Variants in C12orf42 observed in about 807,000 individuals in gnomAD.
C12orf42 encodes chromosome 12 open reading frame 42, also known as uncharacterized protein C12orf42.
In C12orf42, 25 loss-of-function variants were observed where a neutral mutation model predicts 21.6. The observed-to-expected ratio is 1.16, with a 90% CI of 0.84 to 1.62. The LOEUF (loss-of-function observed/expected upper bound fraction) is 1.62, where lower values mean the gene tolerates loss of function less well. Ranked by LOEUF, C12orf42 falls within the 40% of genes most tolerant of loss-of-function variation. The probability of loss-of-function intolerance (pLI) is 0.00; values close to 1 mark genes in which losing one functional copy is unlikely to be tolerated. For missense variants in C12orf42, 483 were observed against 459.3 expected, an observed-to-expected ratio of 1.05 and a Z score of -0.47; for synonymous variants, 174 against 175.0, an observed-to-expected ratio of 0.99 and a Z score of 0.05.
At chr12:103,406,506 A>G (rs563792374) in intron 2 of C12orf42, among the ~76,000 whole-genome samples, 3 of 152,342 alleles carry the variant, frequency 2.0e-5, no homozygotes, top group East Asian at 1.9e-4. Flanking sequence ...ACTGTTTCTA[A>G]TGATCTATGT....
chr12:103,489,103 G>A lies in C12orf42; in HGVS notation c.-22+6799C>T, dbSNP rs571390507. 1.5e-4 allele frequency among the ~76,000 whole-genome samples: 23 copies of A among 152,316 alleles called. 1 individual carries two copies. Among genetic ancestry groups the A allele is most frequent in the African/African-American group, 5.5e-4 (23 of 41,568 alleles). On this transcript the variant is annotated intron_variant, in intron 1 of 5. Coordinates refer to ENST00000548883, the MANE Select transcript of C12orf42 (RefSeq NM_198521.5). ...GTGGTTTTAGCTACCTTTTGTCTTT[G>A]ATGTTGGTGTCCTACAGATGGGCTT...
At chr12:103,116,377 A>AT in the C12orf42 span, among the ~76,000 whole-genome samples, 18 of 130,404 alleles carry the variant, frequency 1.4e-4, no homozygotes, top group South Asian at 3.3e-3. Context: ...CAAGAAAAAA[A>AT]AAAAATATAT....
the C12orf42 span, among the ~76,000 whole-genome samples, chr12:103,506,861 TA>T: frequency 4.0e-5 from 3 of 75,020 alleles, no homozygotes; most frequent in Admixed American, 2.4e-4. Context: ...TTATATATTA[TA>T]TATATATATT....
chr12:103,117,950 GA>G, the C12orf42 span, among the ~76,000 whole-genome samples: 1 of 152,126 alleles, frequency 6.6e-6, no homozygotes, highest in South Asian at 2.1e-4. Flanking sequence ...TTACTGTAAG[GA>G]TTAAATGAGA....
chr12:103,071,180 C>T, the C12orf42 span, among the ~76,000 whole-genome samples: 2 of 152,192 alleles, frequency 1.3e-5, no homozygotes, highest in East Asian at 1.9e-4. Flanking sequence ...CATGGGGCTG[C>T]GTTTTAAAAA....
intron 2 of C12orf42, among the ~76,000 whole-genome samples, chr12:103,416,388 T>C (rs1351504620): frequency 6.6e-6 from 1 of 151,992 alleles, no homozygotes; most frequent in African/African-American, 2.4e-5. Context: ...GCTCAACATA[T>C]TGGAAAAATA....
the C12orf42 span, among the ~76,000 whole-genome samples, chr12:103,060,959 C>G: frequency 6.6e-6 from 1 of 152,134 alleles, no homozygotes; most frequent in Admixed American, 6.6e-5. Flanking sequence ...CAACAAAAGC[C>G]AAAATTGACA....
intron 4 of C12orf42, among the ~76,000 whole-genome samples, chr12:103,278,721 G>A (rs549929564): frequency 6.6e-6 from 1 of 152,314 alleles, no homozygotes; most frequent in South Asian, 2.1e-4. Context: ...ATTTCACTGG[G>A]GCTCTAAGTG....
the C12orf42 span, among the ~76,000 whole-genome samples, chr12:103,212,470 G>A: frequency 1.3e-5 from 2 of 152,064 alleles, no homozygotes; most frequent in Non-Finnish European, 2.9e-5. Context: ...TCTCTCTGGT[G>A]GTGTTGAATG....
chr12:103,128,652 A>T, the C12orf42 span, among the ~76,000 whole-genome samples: 1,166 of 152,286 alleles, frequency 7.7e-3, 20 homozygotes, highest in African/African-American at 0.027. Flanking sequence ...TGTAAAGTTT[A>T]GAGGTGATAA....
the C12orf42 span, among the ~76,000 whole-genome samples, chr12:103,209,837 G>T: frequency 6.6e-6 from 1 of 152,250 alleles, no homozygotes; most frequent in South Asian, 2.1e-4. Context: ...ACGGTGGAAA[G>T]GAGTGTTTTC....
the C12orf42 span, among the ~76,000 whole-genome samples, chr12:103,099,294 G>C: frequency 2.6e-5 from 4 of 152,282 alleles, no homozygotes; most frequent in Admixed American, 2.6e-4. Flanking sequence ...TTACCTAACT[G>C]AACAATTATT....
chr12:103,248,024 C>T (rs2034097424), intron 10 of C12orf42, among the ~76,000 whole-genome samples: 1 of 151,978 alleles, frequency 6.6e-6, no homozygotes, highest in Admixed American at 6.6e-5. Flanking sequence ...AGTCATGATG[C>T]AAGTAATTAG....
At chr12:103,156,451 C>A in the C12orf42 span, among the ~76,000 whole-genome samples, 3 of 152,000 alleles carry the variant, frequency 2.0e-5, no homozygotes, top group Admixed American at 6.6e-5. Context: ...ATTCACCAAG[C>A]TGTGTGTTTT....
intron 4 of C12orf42, among the ~76,000 whole-genome samples, chr12:103,308,761 G>GA (rs1424216431): frequency 6.6e-6 from 1 of 152,228 alleles, no homozygotes; most frequent in Non-Finnish European, 1.5e-5. Flanking sequence ...CTGTGCCTGT[G>GA]AATGTAACCT....
At chr12:103,504,129 CAT>C in the C12orf42 span, 1 of 152,526 alleles carries the variant, frequency 6.6e-6, no homozygotes, top group Admixed American at 6.5e-5. Flanking sequence ...ACTTCAGGCT[CAT>C]AGAGCCCAAC....
At chr12:103,203,944 A>T in the C12orf42 span, among the ~76,000 whole-genome samples, 1 of 152,332 alleles carries the variant, frequency 6.6e-6, no homozygotes, top group African/African-American at 2.4e-5. Flanking sequence ...TTATTGAAGG[A>T]AAAGCCCAGC....
At chr12:103,556,671 CA>C in the C12orf42 span, among the ~76,000 whole-genome samples, 1 of 152,146 alleles carries the variant, frequency 6.6e-6, no homozygotes, top group African/African-American at 2.4e-5. Flanking sequence ...ACAATCTTCA[CA>C]GGTTCTGTAT....
At chr12:103,484,939 G>A (rs1274953580) in intron 1 of C12orf42, among the ~76,000 whole-genome samples, 14 of 142,598 alleles carry the variant, frequency 9.8e-5, no homozygotes, top group South Asian at 2.2e-4. Context: ...GCACAATCTC[G>A]GCTCACTGCA....
Sources: gnomAD v4.1 joint callset for allele counts (sites outside exome capture counted in the v4.1 genomes callset) on GRCh38, gnomAD v4.1.1 for gene constraint, MANE v1.5 for transcripts, NCBI Gene and HGNC (gene_info 2026-07-23, HGNC 2026-07-21) for gene names.